Variants in EXOC5 observed in about 807,000 individuals in gnomAD.
The protein encoded by EXOC5 is exocyst complex component 5.
EXOC5 carries 17 observed loss-of-function variants against 90.8 expected under a neutral mutation model. That is an observed-to-expected ratio of 0.19 (90% CI 0.13 to 0.28). EXOC5 has a LOEUF of 0.28. Among genes scored for constraint, EXOC5 ranks in the 10% least tolerant of loss-of-function variants. EXOC5 has a pLI of 1.00. For missense variants in EXOC5, 569 were observed against 830.6 expected (o/e 0.69, Z 3.87); for synonymous variants, 260 against 270.0 (o/e 0.96, Z 0.36).
In EXOC5 at chr14:57,201,567, A is replaced by ATT. The variant is rs1364495281; in HGVS notation, c.*7040_*7041dup. 38 of 91,798 alleles carry ATT rather than the reference A, an allele frequency of 4.1e-4. No homozygotes were observed. Among genetic ancestry groups the ATT allele is most frequent in the African/African-American group, 3.4e-3 (31 of 9,116 alleles). 5.7% of individuals were successfully genotyped at this position (91,798 alleles called of 1,614,324 possible). Reference sequence around the variant, plus strand: ...TACATATATTTTTATATATATTAATATTATATATATATATATATATATATA... The same window carrying ATT: ...TACATATATTTTTATATATATTAATATTTTATATATATATATATATATATATA... On this transcript the variant is annotated 3_prime_UTR_variant, in exon 18 of 18. Coordinates refer to ENST00000621441, the MANE Select transcript of EXOC5 (RefSeq NM_006544.4).
At chr14:57,251,158 C>T (rs1884178628) in intron 1 of EXOC5, among the ~76,000 whole-genome samples, 1 of 152,160 alleles carries the variant, frequency 6.6e-6, no homozygotes, top group African/African-American at 2.4e-5. Context: ...TAATTTTGGT[C>T]AATTTCAGCT....
At chr14:57,240,790 T>C (rs1297241496) in intron 4 of EXOC5, among the ~76,000 whole-genome samples, 1 of 152,160 alleles carries the variant, frequency 6.6e-6, no homozygotes, top group Admixed American at 6.5e-5. Context: ...TCTTTTACAT[T>C]TGAAAAAACA....
At chr14:57,224,664 T>A (rs1883249954) in intron 12 of EXOC5, among the ~76,000 whole-genome samples, 1 of 152,092 alleles carries the variant, frequency 6.6e-6, no homozygotes, top group African/African-American at 2.4e-5. Flanking sequence ...GAATACCAAT[T>A]CTACTCAAAC....
rs888682558 is a variant in EXOC5, at chr14:57,206,286, G to A, written c.*2323C>T. On this transcript the variant is annotated 3_prime_UTR_variant, in exon 18 of 18. Transcript: ENST00000621441. ...ATTTTAGTTATTGATCATCTCTTCT[G>A]AGCCATACACTTTGGGCAAAATTTT... 4 of 200,754 alleles carry A rather than the reference G, an allele frequency of 2.0e-5. No individual in the cohort carries two copies. Among genetic ancestry groups the A allele is most frequent in the Non-Finnish European group, 2.0e-5 (2 of 98,306 alleles). The allele number at this position is 200,754 out of a possible 1,614,324, so 12.4% of individuals were successfully genotyped here.
At chr14:57,231,453 T>C (rs1439242829) in intron 11 of EXOC5, 53 bp downstream of exon 11, 1 of 1,238,582 alleles carries the variant, frequency 8.1e-7, no homozygotes, top group Non-Finnish European at 1.1e-6. Context: ...CCAAATATAA[T>C]GAAGTTATTA....
chr14:57,242,359 C>G (rs1594671815), intron 4 of EXOC5, among the ~76,000 whole-genome samples: 1 of 151,828 alleles, frequency 6.6e-6, no homozygotes, highest in Admixed American at 6.5e-5. Context: ...ATCCTCCTGC[C>G]TCAGCCTCCT....
intron 13 of EXOC5, among the ~76,000 whole-genome samples, chr14:57,221,197 G>A (rs1052737401): frequency 1.3e-5 from 2 of 152,166 alleles, no homozygotes; most frequent in African/African-American, 2.4e-5. Flanking sequence ...GAGAAAAGCT[G>A]AGGCAAAAGG....
intron 1 of EXOC5, chr14:57,268,337 A>T: frequency 1.4e-6 from 1 of 724,506 alleles, no homozygotes; most frequent in African/African-American, 1.9e-5. Flanking sequence ...AACCTTCCAG[A>T]CTTTCCCTCT....
At chr14:57,258,308 C>A (rs1321733132) in intron 1 of EXOC5, among the ~76,000 whole-genome samples, 1 of 152,096 alleles carries the variant, frequency 6.6e-6, no homozygotes. Context: ...AAATGCCCAT[C>A]AATGATAGAC....
chr14:57,244,073 G>C, intron 4 of EXOC5, 92 bp downstream of exon 4: 1 of 793,222 alleles, frequency 1.3e-6, no homozygotes. Context: ...TCAGTGATTT[G>C]AAGTCTAACT....
At chr14:57,227,935 CAT>C (rs764433315) in intron 12 of EXOC5, among the ~76,000 whole-genome samples, 465 of 123,546 alleles carry the variant, frequency 3.8e-3, no homozygotes, top group African/African-American at 0.016. Flanking sequence ...AGTTTACATA[CAT>C]ATATATATAC....
At chr14:57,249,071 A>G (rs2139656712) in intron 1 of EXOC5, among the ~76,000 whole-genome samples, 1 of 152,270 alleles carries the variant, frequency 6.6e-6, no homozygotes, top group South Asian at 2.1e-4. Context: ...ACCCCTATAT[A>G]ATGAAATGGT....
At chr14:57,211,225 A>G (rs1882816375) in intron 15 of EXOC5, among the ~76,000 whole-genome samples, 1 of 152,174 alleles carries the variant, frequency 6.6e-6, no homozygotes, top group Non-Finnish European at 1.5e-5. Flanking sequence ...CCTTGTCACT[A>G]TTATCACAAT....
At chr14:57,248,428 A>T (rs548299522) in intron 1 of EXOC5, among the ~76,000 whole-genome samples, 17 of 152,184 alleles carry the variant, frequency 1.1e-4, no homozygotes, top group African/African-American at 3.8e-4. Context: ...TCCTTTTAAA[A>T]TCATGATAAT....
chr14:57,238,375 T>TACACACACACAC (rs1183693696), intron 5 of EXOC5, among the ~76,000 whole-genome samples: 25 of 74,890 alleles, frequency 3.3e-4, no homozygotes, highest in Non-Finnish European at 5.3e-4. Flanking sequence ...TATATATATA[T>TACACACACACAC]ACACACACAC....
intron 1 of EXOC5, among the ~76,000 whole-genome samples, chr14:57,253,099 T>A (rs1246254078): frequency 6.6e-6 from 1 of 151,958 alleles, no homozygotes; most frequent in Non-Finnish European, 1.5e-5. Context: ...CTCATAGAAG[T>A]AAGAGTAGAT....
rs1882702643 is a variant in EXOC5, at chr14:57,207,763, T to C, written c.*846A>G. On this transcript the variant is annotated 3_prime_UTR_variant, in exon 18 of 18. Coordinates refer to ENST00000621441, the MANE Select transcript of EXOC5 (RefSeq NM_006544.4). The stretch of plus-strand genomic sequence containing the variant: ...TTTCCTATATGCACCATTTAGACTA[T>C]ACCTCACTTTTTTTTACTTCCCTTA... 6.6e-6 allele frequency: 1 copy of C among 152,154 alleles called. No individual in the cohort carries two copies. The highest frequency in any genetic ancestry group is 2.4e-5 in the African/African-American group (1 of 41,454). 9.4% of individuals were successfully genotyped at this position (152,154 alleles called of 1,614,324 possible).
intron 1 of EXOC5, among the ~76,000 whole-genome samples, chr14:57,249,753 G>A (rs1884134579): frequency 6.6e-6 from 1 of 151,880 alleles, no homozygotes; most frequent in Non-Finnish European, 1.5e-5. Context: ...AGAGTGGGAT[G>A]ATGATGATGA....
chr14:57,265,998 T>C (rs1001029918), intron 1 of EXOC5, among the ~76,000 whole-genome samples: 4 of 152,232 alleles, frequency 2.6e-5, no homozygotes, highest in Admixed American at 2.0e-4. Context: ...TTTGATTTTG[T>C]TATATGAAGT....
Sources: gnomAD v4.1 joint callset for allele counts (sites outside exome capture counted in the v4.1 genomes callset) on GRCh38, gnomAD v4.1.1 for gene constraint, MANE v1.5 for transcripts, NCBI Gene and HGNC (gene_info 2026-07-23, HGNC 2026-07-21) for gene names.